DENND1A: variants seen among roughly 807,000 people sequenced by gnomAD.
The protein encoded by DENND1A is DENN domain-containing protein 1A.
Under a neutral mutation model 113.7 loss-of-function variants are expected in DENND1A, and 51 were observed. That is an observed-to-expected ratio of 0.45 (90% CI 0.36 to 0.57). The LOEUF is 0.57. Among genes scored for constraint, DENND1A ranks in the 20% least tolerant of loss-of-function variants. The pLI is 0.00. For missense variants in DENND1A, 1,258 were observed against 1,395.9 expected, an observed-to-expected ratio of 0.90 and a Z score of 1.57; for synonymous variants, 565 against 570.8, an observed-to-expected ratio of 0.99 and a Z score of 0.14.
chr9:123,409,817 T>C (rs940915999), intron 20 of DENND1A, among the ~76,000 whole-genome samples: 1 of 152,182 alleles, frequency 6.6e-6, no homozygotes, highest in East Asian at 1.9e-4. Flanking sequence ...GTTGGCCGGG[T>C]GCGGTGGCTC....
intron 2 of DENND1A, among the ~76,000 whole-genome samples, chr9:123,871,593 ATAGT>A (rs1417826541): frequency 7.2e-5 from 11 of 152,214 alleles, no homozygotes; most frequent in Non-Finnish European, 1.3e-4. Context: ...AGAAATGTGT[ATAGT>A]TAGTTAAGAG....
At chr9:123,735,540 G>A (rs2068498261) in intron 5 of DENND1A, among the ~76,000 whole-genome samples, 1 of 152,112 alleles carries the variant, frequency 6.6e-6, no homozygotes, top group Non-Finnish European at 1.5e-5. Flanking sequence ...GATTTCCTCA[G>A]GTCGTCCGTG....
At chr9:123,610,591 T>C (rs923070973) in intron 10 of DENND1A, among the ~76,000 whole-genome samples, 11 of 152,318 alleles carry the variant, frequency 7.2e-5, no homozygotes, top group Admixed American at 2.6e-4. Flanking sequence ...AAGGGTGTGA[T>C]TGGCAACTTT....
intron 2 of DENND1A, among the ~76,000 whole-genome samples, chr9:123,853,516 T>C (rs553259819): frequency 6.6e-6 from 1 of 151,662 alleles, no homozygotes; most frequent in South Asian, 2.1e-4. Flanking sequence ...ATACAGAAAT[T>C]AGCCAGGCAT....
intron 2 of DENND1A, among the ~76,000 whole-genome samples, chr9:123,852,313 A>C (rs953368034): frequency 2.0e-5 from 3 of 152,128 alleles, no homozygotes; most frequent in Admixed American, 6.5e-5. Context: ...TAAGGATGGC[A>C]CTTTTGGGGA....
chr9:123,636,622 T>C (rs1046526570), intron 9 of DENND1A, among the ~76,000 whole-genome samples: 1 of 150,954 alleles, frequency 6.6e-6, no homozygotes, highest in Non-Finnish European at 1.5e-5. Context: ...ACAGAGTCGG[T>C]GCTGAGTAAA....
intron 11 of DENND1A, among the ~76,000 whole-genome samples, chr9:123,605,308 G>A (rs975497301): frequency 1.3e-5 from 2 of 152,152 alleles, no homozygotes; most frequent in East Asian, 1.9e-4. Flanking sequence ...GCTTGAGGAG[G>A]AAGGTCTTCA....
At chr9:123,691,554 T>C (rs1564957400) in intron 5 of DENND1A, among the ~76,000 whole-genome samples, 2 of 151,244 alleles carry the variant, frequency 1.3e-5, no homozygotes, top group Non-Finnish European at 2.9e-5. Flanking sequence ...TTTTTTTTTT[T>C]TGGAGGGTGG....
At chr9:123,580,322 A>C (rs982677621) in intron 12 of DENND1A, among the ~76,000 whole-genome samples, 2 of 152,158 alleles carry the variant, frequency 1.3e-5, no homozygotes, top group African/African-American at 4.8e-5. Flanking sequence ...TATCCTCCCC[A>C]AAATTTTGTT....
intron 5 of DENND1A, among the ~76,000 whole-genome samples, chr9:123,706,239 C>T (rs969372358): frequency 6.6e-6 from 1 of 151,540 alleles, no homozygotes; most frequent in Non-Finnish European, 1.5e-5. Context: ...CAACCTCCAC[C>T]TCCCTGGTTC....
chr9:123,590,308 T>G (rs948472134), intron 11 of DENND1A, among the ~76,000 whole-genome samples: 1 of 152,208 alleles, frequency 6.6e-6, no homozygotes, highest in African/African-American at 2.4e-5. Flanking sequence ...TTCTCTACTC[T>G]CAGCTCCTAC....
At chr9:123,712,474 ACAG>A (rs1374890237) in intron 5 of DENND1A, among the ~76,000 whole-genome samples, 2 of 152,250 alleles carry the variant, frequency 1.3e-5, no homozygotes, top group Admixed American at 6.5e-5. Flanking sequence ...ACTGGAGATA[ACAG>A]TAGTACCAAC....
At chr9:123,651,165 C>T (rs1422263784) in intron 9 of DENND1A, among the ~76,000 whole-genome samples, 1 of 151,682 alleles carries the variant, frequency 6.6e-6, no homozygotes, top group African/African-American at 2.4e-5. Context: ...TTATATTATA[C>T]ACACAGCAAA....
intron 1 of DENND1A, among the ~76,000 whole-genome samples, chr9:123,913,978 C>T (rs1026710805): frequency 2.0e-4 from 30 of 151,534 alleles, no homozygotes; most frequent in Non-Finnish European, 1.6e-4. Flanking sequence ...CTGCAGGCAG[C>T]AGTGCAGACA....
chr9:123,902,881 C>A (rs1851933026), intron 1 of DENND1A, among the ~76,000 whole-genome samples: 1 of 149,732 alleles, frequency 6.7e-6, no homozygotes. Context: ...AAATTGTAGC[C>A]AAAATCTCTT....
chr9:123,550,130 C>T (rs1484432238), intron 13 of DENND1A, among the ~76,000 whole-genome samples: 2 of 152,216 alleles, frequency 1.3e-5, no homozygotes, highest in Non-Finnish European at 2.9e-5. Context: ...ATAAATATGA[C>T]TCAGCAGAAT....
In DENND1A at chr9:123,818,561, C is replaced by CATATAT. The variant is rs1250943832; in HGVS notation, c.89-25932_89-25931insATATAT. Among the ~76,000 whole-genome samples the CATATAT allele has an allele frequency of 5.7e-3, 662 of 116,350 alleles. 4 individuals are homozygous for CATATAT. Among genetic ancestry groups the CATATAT allele is most frequent in the African/African-American group, 0.019 (640 of 33,280 alleles). The allele number at this position is 116,350 out of a possible 152,430, so 76.3% of individuals were successfully genotyped here. On this transcript the variant is annotated intron_variant, in intron 2 of 23. Coordinates refer to ENST00000394215, the MANE Select transcript of DENND1A (RefSeq NM_001352964.2). ...ACACACACACACACACACACACACA[C>CATATAT]ACACACATATATATATATATATAAA... is the stretch of plus-strand genomic sequence containing the variant.
intron 6 of DENND1A, among the ~76,000 whole-genome samples, chr9:123,672,743 C>G (rs2063829233): frequency 6.6e-6 from 1 of 152,200 alleles, no homozygotes; most frequent in African/African-American, 2.4e-5. Context: ...TCACCAGATG[C>G]CAGCACCAGG....
At chr9:123,416,327 G>A (rs1355711378) in intron 19 of DENND1A, among the ~76,000 whole-genome samples, 3 of 152,182 alleles carry the variant, frequency 2.0e-5, no homozygotes, top group Non-Finnish European at 4.4e-5. Flanking sequence ...GAGGTAAAGC[G>A]AGCTGCTCAA....
Sources: allele counts gnomAD v4.1 joint callset (sites outside exome capture counted in the v4.1 genomes callset), GRCh38; gene constraint gnomAD v4.1.1; transcripts MANE v1.5; gene names NCBI Gene and HGNC (gene_info 2026-07-23, HGNC 2026-07-21).